FBXO28: variants seen among roughly 807,000 people sequenced by gnomAD.
FBXO28 encodes the protein F-box only protein 28.
Under a neutral mutation model 38.1 loss-of-function variants are expected in FBXO28, and 8 were observed. The ratio of observed to expected loss-of-function variants is 0.21; its 90% CI spans 0.12 to 0.38. The LOEUF is 0.38. FBXO28 is among the 10% of genes least tolerant of loss of function. The probability of loss-of-function intolerance (pLI) is 1.00; values close to 1 mark genes in which losing one functional copy is unlikely to be tolerated. For missense variants in FBXO28, 345 were observed against 460.6 expected, an observed-to-expected ratio of 0.75 and a Z score of 2.30; for synonymous variants, 168 against 173.8, an observed-to-expected ratio of 0.97 and a Z score of 0.26.
At chr1:224,139,220 C>T (rs962700134) in intron 3 of FBXO28, among the ~76,000 whole-genome samples, 9 of 151,612 alleles carry the variant, frequency 5.9e-5, no homozygotes, top group African/African-American at 4.9e-5. Flanking sequence ...CCTGAACAGA[C>T]GTAAAAATCT....
intron 1 of FBXO28, among the ~76,000 whole-genome samples, chr1:224,121,738 C>T (rs1656783695): frequency 6.6e-6 from 1 of 152,076 alleles, no homozygotes; most frequent in African/African-American, 2.4e-5. Context: ...TCCTCCACCT[C>T]CCAGGTTCAA....
At chr1:224,146,803 G>C (rs376863691) in intron 3 of FBXO28, among the ~76,000 whole-genome samples, 18 of 149,298 alleles carry the variant, frequency 1.2e-4, no homozygotes, top group African/African-American at 4.5e-4. Flanking sequence ...TGCCTCCCAG[G>C]TTCAAGCGAT....
rs146604018 is a variant in FBXO28, at chr1:224,157,461, C to T, written c.822C>T (p.Gly274=). ...AGCAGGTTAAAACAAATGGTGCTGG[C>T]GTGACTGTTCTCAGGCGTGAAATTT... ...LQQQVKTNGA[G]VTVLRREISE... Residue 274 remains glycine, a synonymous_variant, in exon 5 of 5, where the codon GGC becomes GGT. Transcript: ENST00000366862. 263 of 1,614,094 alleles carry T rather than the reference C, an allele frequency of 1.6e-4. No individual in the cohort carries two copies. The highest frequency in any genetic ancestry group is 3.2e-4 in the Admixed American group (19 of 59,998).
At chr1:224,155,939 T>C (rs1657764373) in intron 4 of FBXO28, among the ~76,000 whole-genome samples, 1 of 152,176 alleles carries the variant, frequency 6.6e-6, no homozygotes, top group African/African-American at 2.4e-5. Context: ...TCCAATTAAA[T>C]GTCAAATGAG....
At chr1:224,138,803 C>T (rs751835078) in intron 3 of FBXO28, among the ~76,000 whole-genome samples, 10 of 151,298 alleles carry the variant, frequency 6.6e-5, no homozygotes, top group Non-Finnish European at 1.0e-4. Flanking sequence ...CTGTCTTGAA[C>T]GCCTAGACTC....
chr1:224,144,331 C>T (rs1023896470), intron 3 of FBXO28, among the ~76,000 whole-genome samples: 2 of 151,850 alleles, frequency 1.3e-5, no homozygotes, highest in African/African-American at 4.8e-5. Context: ...CATGGTGGCA[C>T]ACACCTATGG....
chr1:224,146,369 GA>G (rs1657504608), intron 3 of FBXO28, among the ~76,000 whole-genome samples: 3 of 151,692 alleles, frequency 2.0e-5, no homozygotes, highest in East Asian at 1.9e-4. Flanking sequence ...CAAAAAGACA[GA>G]TGAAAAATGA....
chr1:224,129,006 A>T (rs111558580), intron 1 of FBXO28, among the ~76,000 whole-genome samples: 1 of 143,074 alleles, frequency 7.0e-6, no homozygotes, highest in Non-Finnish European at 1.5e-5. Flanking sequence ...AAAAAAAACT[A>T]TATTAAGGAT....
At chr1:224,120,905 C>CATT (rs1216128131) in intron 1 of FBXO28, among the ~76,000 whole-genome samples, 4 of 150,392 alleles carry the variant, frequency 2.7e-5, no homozygotes, top group Non-Finnish European at 5.9e-5. Context: ...AAATGTATGT[C>CATT]ATTGTAAGAT....
At chr1:224,123,633 C>G (rs780302054) in intron 1 of FBXO28, among the ~76,000 whole-genome samples, 6 of 151,832 alleles carry the variant, frequency 4.0e-5, no homozygotes, top group Non-Finnish European at 7.4e-5. Context: ...AAAGTCTCTA[C>G]AGCATCTTAA....
At chr1:224,124,259 G>C (rs1302117312) in intron 1 of FBXO28, among the ~76,000 whole-genome samples, 2 of 152,148 alleles carry the variant, frequency 1.3e-5, no homozygotes, top group Non-Finnish European at 2.9e-5. Flanking sequence ...CCACAACTAA[G>C]AAAACTACAT....
At chr1:224,123,896 G>C (rs1656842408) in intron 1 of FBXO28, among the ~76,000 whole-genome samples, 1 of 152,158 alleles carries the variant, frequency 6.6e-6, no homozygotes. Flanking sequence ...ATCACCTGAG[G>C]TCAAGAGTTT....
chr1:224,140,779 T>C (rs1449851998), intron 3 of FBXO28, among the ~76,000 whole-genome samples: 1 of 151,918 alleles, frequency 6.6e-6, no homozygotes. Context: ...ACCCCATCTC[T>C]ACTAAAAATA....
chr1:224,123,242 A>G (rs1656817894), intron 1 of FBXO28, among the ~76,000 whole-genome samples: 2 of 152,000 alleles, frequency 1.3e-5, no homozygotes. Flanking sequence ...AATAATGAAT[A>G]CATTTTAAAA....
intron 1 of FBXO28, 105 bp downstream of exon 1, chr1:224,114,501 C>T: frequency 4.0e-6 from 4 of 1,009,962 alleles, no homozygotes; most frequent in Non-Finnish European, 5.7e-6. Context: ...GAGCCCCAGC[C>T]GGCTACAGAT....
intron 3 of FBXO28, among the ~76,000 whole-genome samples, chr1:224,150,996 C>T (rs563248496): frequency 1.3e-4 from 20 of 152,196 alleles, no homozygotes; most frequent in South Asian, 2.1e-4. Context: ...GATAGGCTTA[C>T]GTAATTAAAT....
rs1230931452 is a variant in FBXO28, at chr1:224,161,208, TC to T, written c.*3465del. The T allele has an allele frequency of 3.3e-5, 5 of 152,182 alleles. No individual in the cohort carries two copies. The highest frequency in any genetic ancestry group is 9.7e-5 in the African/African-American group (4 of 41,446). 9.4% of individuals were successfully genotyped at this position (152,182 alleles called of 1,614,324 possible). On this transcript the variant is annotated 3_prime_UTR_variant, in exon 5 of 5. Transcript: ENST00000366862. ...ATAATATTTTCTAGGATCCGGGAAC[TC>T]CCTATATTGTCTATTTCCAACATTA...
At chr1:224,147,154 G>A (rs1363032984) in intron 3 of FBXO28, among the ~76,000 whole-genome samples, 2 of 151,898 alleles carry the variant, frequency 1.3e-5, no homozygotes, top group Admixed American at 1.3e-4. Context: ...GCCGGATGCG[G>A]TGGCTCACGC....
chr1:224,133,607 G>A lies in FBXO28; in HGVS notation c.378-467G>A, dbSNP rs111950431. Among the ~76,000 whole-genome samples the A allele has an allele frequency of 6.9e-3, 1,050 of 151,932 alleles. 12 individuals are homozygous for A. The highest frequency in any genetic ancestry group is 0.024 in the African/African-American group (993 of 41,454). ...GTCTTGGTTCACTGCAACCTCCGAC[G>A]CCCGGGTTCAAGCGAGTCTCCTGCC... is the stretch of plus-strand genomic sequence containing the variant. On this transcript the variant is annotated intron_variant, in intron 2 of 4. Transcript: ENST00000366862.
Sources: gnomAD v4.1 joint callset for allele counts (sites outside exome capture counted in the v4.1 genomes callset) on GRCh38, gnomAD v4.1.1 for gene constraint, MANE v1.5 for transcripts, NCBI Gene and HGNC (gene_info 2026-07-23, HGNC 2026-07-21) for gene names.